FRMD5: variants seen among roughly 807,000 people sequenced by gnomAD.
FRMD5 encodes FERM domain-containing protein 5.
Under a neutral mutation model 69.0 loss-of-function variants are expected in FRMD5, and 20 were observed. The ratio of observed to expected loss-of-function variants is 0.29; its 90% CI spans 0.20 to 0.42. The LOEUF (loss-of-function observed/expected upper bound fraction) is 0.42, where lower values mean the gene tolerates loss of function less well. Ranked by LOEUF, FRMD5 falls within the 10% of genes least tolerant of loss-of-function variation. FRMD5 has a pLI of 1.00. For synonymous variants in FRMD5, 271 were observed against 260.1 expected (o/e 1.04, Z -0.40); for missense variants, 595 against 708.6 (o/e 0.84, Z 1.82).
chr15:43,884,984 T>A, intron 11 of FRMD5, 189 bp from the exon 12 acceptor site: 2 of 551,114 alleles, frequency 3.6e-6, no homozygotes, highest in Non-Finnish European at 6.5e-6. Context: ...TGACAGCCTA[T>A]CTGAGAGAAC....
intron 1 of FRMD5, among the ~76,000 whole-genome samples, chr15:43,951,810 C>T (rs577418726): frequency 6.6e-6 from 1 of 152,204 alleles, no homozygotes. Context: ...AACAACCTTA[C>T]ATTAAACAAG....
At chr15:44,015,854 T>C (rs1040047470) in intron 1 of FRMD5, among the ~76,000 whole-genome samples, 4 of 152,224 alleles carry the variant, frequency 2.6e-5, no homozygotes, top group Non-Finnish European at 5.9e-5. Flanking sequence ...CTGTCGTTTT[T>C]TCCTTTACTG....
intron 6 of FRMD5, 32 bp downstream of exon 6, chr15:43,905,796 C>T (rs1228401167): frequency 1.2e-6 from 2 of 1,612,400 alleles, no homozygotes; most frequent in African/African-American, 2.7e-5. Flanking sequence ...GGAGAAGCCA[C>T]AATGTTCTGG....
At chr15:44,096,543 T>C (rs995615492) in intron 1 of FRMD5, among the ~76,000 whole-genome samples, 1 of 151,808 alleles carries the variant, frequency 6.6e-6, no homozygotes, top group African/African-American at 2.4e-5. Flanking sequence ...GCTGGAACTA[T>C]AGGCATGAGC....
At chr15:43,973,179 C>A (rs62023686) in intron 1 of FRMD5, among the ~76,000 whole-genome samples, 1 of 151,938 alleles carries the variant, frequency 6.6e-6, no homozygotes, top group South Asian at 2.1e-4. Flanking sequence ...CCCGCCACCA[C>A]GCCTGGCTAA....
At chr15:44,063,031 C>T (rs983103274) in intron 1 of FRMD5, among the ~76,000 whole-genome samples, 3 of 152,166 alleles carry the variant, frequency 2.0e-5, no homozygotes, top group African/African-American at 7.2e-5. Flanking sequence ...AACTTAAAAT[C>T]AATGACAGTG....
chr15:44,103,431 G>A (rs567278603), intron 1 of FRMD5, among the ~76,000 whole-genome samples: 4 of 152,180 alleles, frequency 2.6e-5, no homozygotes, highest in African/African-American at 9.6e-5. Context: ...AGTCTTTGGC[G>A]TTTTACCTTC....
chr15:43,945,986 C>T (rs1008283357), intron 1 of FRMD5, among the ~76,000 whole-genome samples: 15 of 151,748 alleles, frequency 9.9e-5, no homozygotes, highest in South Asian at 2.1e-4. Context: ...ACCCGGGAGG[C>T]GGAGGCTGTA....
At chr15:43,990,025 T>G in intron 1 of FRMD5, 1 of 832,440 alleles carries the variant, frequency 1.2e-6, no homozygotes, top group South Asian at 1.3e-5. Flanking sequence ...GTTGCCCACA[T>G]AGGAGTCCTT....
chr15:44,017,215 G>C (rs557070271), intron 1 of FRMD5, among the ~76,000 whole-genome samples: 1 of 152,100 alleles, frequency 6.6e-6, no homozygotes, highest in South Asian at 2.1e-4. Context: ...GTGGGCGCCT[G>C]TAGTCTCAGC....
chr15:43,875,928 A>G lies in FRMD5; in HGVS notation c.1136-1466T>C, dbSNP rs143606979. ...TGGGTCTGTAAACACAGGCTTATCC[A>G]TCACACTTATAGGCAAGGCAAATGC... On this transcript the variant is annotated intron_variant, in intron 13 of 13. Coordinates refer to ENST00000417257, the MANE Select transcript of FRMD5 (RefSeq NM_032892.5). The G allele has an allele frequency of 3.8e-4, 425 of 1,108,214 alleles. 1 individual carries two copies. The African/African-American group carries it at 5.8e-3, about 15-fold the overall frequency. The allele number at this position is 1,108,214 out of a possible 1,614,324, so 68.6% of individuals were successfully genotyped here. A position where few individuals can be genotyped will look rare whatever the true frequency, so the allele number is the denominator to read the frequency against.
intron 1 of FRMD5, among the ~76,000 whole-genome samples, chr15:43,997,377 C>T (rs889401506): frequency 6.6e-6 from 1 of 152,184 alleles, no homozygotes; most frequent in African/African-American, 2.4e-5. Flanking sequence ...ATTTTTGACT[C>T]TAGGGAACAA....
chr15:44,184,481 G>T (rs1436568734), intron 1 of FRMD5, among the ~76,000 whole-genome samples: 1 of 152,132 alleles, frequency 6.6e-6, no homozygotes, highest in Non-Finnish European at 1.5e-5. Context: ...TGAACTTAAA[G>T]TACACATATC....
intron 2 of FRMD5, among the ~76,000 whole-genome samples, chr15:43,923,096 A>G (rs1007289994): frequency 6.6e-6 from 1 of 152,238 alleles, no homozygotes; most frequent in Admixed American, 6.5e-5. Context: ...GGGAAGTTAT[A>G]GAAACTGCAG....
chr15:44,172,347 C>T (rs892651531), intron 1 of FRMD5, among the ~76,000 whole-genome samples: 3 of 150,916 alleles, frequency 2.0e-5, no homozygotes, highest in Non-Finnish European at 4.4e-5. Context: ...CTCCTGGACT[C>T]AAGCCATCCT....
chr15:44,108,008 A>C (rs2076743389), intron 1 of FRMD5, among the ~76,000 whole-genome samples: 1 of 152,204 alleles, frequency 6.6e-6, no homozygotes, highest in Non-Finnish European at 1.5e-5. Context: ...TCAAAAGCTT[A>C]AAGTCTAGAC....
At chr15:44,009,258 T>A (rs1890603562) in intron 1 of FRMD5, among the ~76,000 whole-genome samples, 1 of 152,228 alleles carries the variant, frequency 6.6e-6, no homozygotes, top group Non-Finnish European at 1.5e-5. Flanking sequence ...ATATGACTGA[T>A]AATGAGTCAG....
At chr15:43,960,203 C>T (rs1302790534) in intron 1 of FRMD5, among the ~76,000 whole-genome samples, 1 of 152,226 alleles carries the variant, frequency 6.6e-6, no homozygotes, top group Middle Eastern at 3.2e-3. Context: ...ATTCTCCTGC[C>T]TCAGCCTCCC....
chr15:44,047,222 T>G (rs978004550), intron 1 of FRMD5, among the ~76,000 whole-genome samples: 1 of 151,846 alleles, frequency 6.6e-6, no homozygotes, highest in Non-Finnish European at 1.5e-5. Context: ...GGGAGAAGAA[T>G]TGCTTAAACC....
Sources: allele counts gnomAD v4.1 joint callset (sites outside exome capture counted in the v4.1 genomes callset), GRCh38; gene constraint gnomAD v4.1.1; transcripts MANE v1.5; gene names NCBI Gene and HGNC (gene_info 2026-07-23, HGNC 2026-07-21).